The following TBC1D32 variants were observed in gnomAD, a reference collection of about 807,000 sequenced individuals.
The protein encoded by TBC1D32 is TBC1 domain family member 32, also known as protein broad-minded.
In TBC1D32, 151 loss-of-function variants were observed where a neutral mutation model predicts 170.3. That is an observed-to-expected ratio of 0.89 (90% CI 0.78 to 1.01). The LOEUF (loss-of-function observed/expected upper bound fraction) is 1.01. Ranked by LOEUF, TBC1D32 falls within the 50% of genes least tolerant of loss-of-function variation. The probability of loss-of-function intolerance (pLI) is 0.00; values close to 1 mark genes in which losing one functional copy is unlikely to be tolerated. For missense variants in TBC1D32, 1,464 were observed against 1,457.1 expected (o/e 1.00, Z -0.08); for synonymous variants, 498 against 488.0 (o/e 1.02, Z -0.27).
At chr6:121,314,403 G>A (rs1808647361) in intron 3 of TBC1D32, among the ~76,000 whole-genome samples, 1 of 152,204 alleles carries the variant, frequency 6.6e-6, no homozygotes, top group Admixed American at 6.5e-5. Flanking sequence ...AAGTTCTAGG[G>A]ATTAGGACAT....
intron 31 of TBC1D32, among the ~76,000 whole-genome samples, chr6:121,086,819 C>A (rs953819805): frequency 1.3e-5 from 2 of 152,252 alleles, no homozygotes; most frequent in South Asian, 4.1e-4. Flanking sequence ...ACTAGGACAT[C>A]CACATATGAA....
chr6:121,103,227 T>C (rs1778322379), intron 30 of TBC1D32, among the ~76,000 whole-genome samples: 1 of 152,052 alleles, frequency 6.6e-6, no homozygotes, highest in South Asian at 2.1e-4. Flanking sequence ...AGCCATCCCA[T>C]TACTGGTTAT....
At chr6:121,261,356 C>T (rs1799744000) in intron 15 of TBC1D32, among the ~76,000 whole-genome samples, 1 of 152,210 alleles carries the variant, frequency 6.6e-6, no homozygotes, top group African/African-American at 2.4e-5. Flanking sequence ...ACACCCTACA[C>T]AGGAGCGTTC....
chr6:121,217,529 A>G (rs974931815), intron 21 of TBC1D32, among the ~76,000 whole-genome samples: 1 of 152,234 alleles, frequency 6.6e-6, no homozygotes, highest in Admixed American at 6.5e-5. Flanking sequence ...AGCTGGAGAC[A>G]ATCTAATACA....
At chr6:121,251,072 A>G (rs1798227342) in intron 17 of TBC1D32, among the ~76,000 whole-genome samples, 1 of 152,146 alleles carries the variant, frequency 6.6e-6, no homozygotes, top group Admixed American at 6.5e-5. Context: ...ACTCAAGGAA[A>G]TAAGAGAGGA....
At chr6:121,129,130 A>G (rs946956089) in intron 25 of TBC1D32, among the ~76,000 whole-genome samples, 2 of 152,200 alleles carry the variant, frequency 1.3e-5, no homozygotes, top group Non-Finnish European at 2.9e-5. Context: ...ATTATAAATT[A>G]CCCAACCTCA....
At chr6:121,313,105 GGT>G (rs71018125) in intron 3 of TBC1D32, among the ~76,000 whole-genome samples, 3,897 of 110,834 alleles carry the variant, frequency 0.035, 92 homozygotes, top group African/African-American at 0.045. Context: ...AAGCTAAGGT[GGT>G]GTGTGTGTGT....
At chr6:121,259,105 C>A (rs1356433989) in intron 15 of TBC1D32, among the ~76,000 whole-genome samples, 2 of 151,998 alleles carry the variant, frequency 1.3e-5, no homozygotes, top group Non-Finnish European at 2.9e-5. Context: ...CGAGACCAGC[C>A]TGGACAACAT....
rs575457349 is a variant in TBC1D32 at position 121,255,510 on chromosome 6, A to C, written c.1936-100T>G. On this transcript the variant is annotated intron_variant, in intron 16 of 31. Transcript: ENST00000398212. Reference sequence around the variant, plus strand: ...ATAATTATATTTTATAATTATATTTATAATTATATTTTATATTTCTTACTG... The same window carrying C: ...ATAATTATATTTTATAATTATATTTCTAATTATATTTTATATTTCTTACTG... 6 of 170,156 alleles carry C rather than the reference A, an allele frequency of 3.5e-5. 1 individual carries two copies. The highest frequency in any genetic ancestry group is 1.7e-4 in the East Asian group (1 of 5,912). 10.5% of individuals were successfully genotyped at this position (170,156 alleles called of 1,614,324 possible).
intron 5 of TBC1D32, among the ~76,000 whole-genome samples, chr6:121,306,018 C>A (rs1437484472): frequency 6.6e-6 from 1 of 152,044 alleles, no homozygotes; most frequent in Non-Finnish European, 1.5e-5. Context: ...GAAACCTATT[C>A]TGCTACTATT....
intron 22 of TBC1D32, among the ~76,000 whole-genome samples, chr6:121,197,966 G>A (rs931452333): frequency 4.0e-5 from 6 of 151,856 alleles, no homozygotes; most frequent in Admixed American, 2.6e-4. Flanking sequence ...ACATGAAAAG[G>A]TGAGACTGGC....
intron 21 of TBC1D32, among the ~76,000 whole-genome samples, chr6:121,213,522 A>C (rs79341950): frequency 0.48 from 15,336 of 32,180 alleles, 1,963 homozygotes; most frequent in Non-Finnish European, 0.52. Flanking sequence ...AATAAAATAA[A>C]ATAAATAAAA....
chr6:121,221,574 A>G (rs112571152), intron 21 of TBC1D32, among the ~76,000 whole-genome samples: 2,193 of 152,364 alleles, frequency 0.014, 14 homozygotes, highest in Middle Eastern at 0.034. Context: ...CAAAATATCA[A>G]CATTAACAGG....
At chr6:121,237,501 C>T (rs1223304218) in intron 20 of TBC1D32, among the ~76,000 whole-genome samples, 1 of 151,932 alleles carries the variant, frequency 6.6e-6, no homozygotes, top group Non-Finnish European at 1.5e-5. Flanking sequence ...ATTCCAATTA[C>T]ATACATGTTA....
chr6:121,218,705 C>T (rs1262544339), intron 21 of TBC1D32, among the ~76,000 whole-genome samples: 3 of 152,124 alleles, frequency 2.0e-5, no homozygotes, highest in Non-Finnish European at 4.4e-5. Flanking sequence ...CCTATTAGTT[C>T]TGTCCCTCTA....
intron 25 of TBC1D32, among the ~76,000 whole-genome samples, chr6:121,127,273 G>T (rs1257537571): frequency 6.6e-6 from 1 of 152,086 alleles, no homozygotes; most frequent in Non-Finnish European, 1.5e-5. Flanking sequence ...AATTCTTGGA[G>T]AACAATTAGT....
At chr6:121,184,805 G>A (rs1697446) in intron 22 of TBC1D32, among the ~76,000 whole-genome samples, 17,672 of 151,580 alleles carry the variant, frequency 0.12, 1,491 homozygotes, top group Admixed American at 0.23. Context: ...TCCTCAATTT[G>A]ATAAACATAA....
At chr6:121,112,403 T>C (rs562122480) in intron 29 of TBC1D32, 102 bp downstream of exon 29, 10 of 1,067,000 alleles carry the variant, frequency 9.4e-6, no homozygotes, top group Admixed American at 5.6e-5. Flanking sequence ...ATGAGTATAA[T>C]TTATTACAAA....
intron 15 of TBC1D32, among the ~76,000 whole-genome samples, chr6:121,266,142 C>A (rs9482128): frequency 0.012 from 1,808 of 152,198 alleles, 49 homozygotes; most frequent in African/African-American, 0.042. Flanking sequence ...AGGCAACCTG[C>A]AGAATGGGAG....
Sources: gnomAD v4.1 joint callset for allele counts (sites outside exome capture counted in the v4.1 genomes callset) on GRCh38, gnomAD v4.1.1 for gene constraint, MANE v1.5 for transcripts, NCBI Gene and HGNC (gene_info 2026-07-23, HGNC 2026-07-21) for gene names.